Variants in MED12L observed in about 807,000 individuals in gnomAD.
MED12L encodes mediator complex subunit 12L, also known as mediator of RNA polymerase II transcription subunit 12-like protein.
A neutral mutation model predicts 281.3 loss-of-function variants in MED12L; 60 were observed. The observed-to-expected ratio is 0.21, with a 90% CI of 0.17 to 0.26. The LOEUF is 0.26. Ranked by LOEUF, MED12L falls within the 10% of genes least tolerant of loss-of-function variation. MED12L has a pLI of 1.00. For missense variants in MED12L, 2,146 were observed against 2,680.9 expected (o/e 0.80, Z 4.41); for synonymous variants, 974 against 987.2 (o/e 0.99, Z 0.25).
intron 9 of MED12L, 141 bp from the exon 10 acceptor site, chr3:151,165,279 G>T: frequency 2.3e-6 from 1 of 426,666 alleles, no homozygotes; most frequent in Non-Finnish European, 4.2e-6. Flanking sequence ...CACTTATTGG[G>T]CCACAGGCTG....
chr3:151,356,061 T>A, intron 19 of MED12L, 22 bp downstream of exon 19: 1 of 1,596,160 alleles, frequency 6.3e-7, no homozygotes. Context: ...ACCATGTTTC[T>A]CTTACTTTTA....
At chr3:151,425,503 T>TG in intron 43 of MED12L, 1 of 391,096 alleles carries the variant, frequency 2.6e-6, no homozygotes, top group South Asian at 1.9e-5. Flanking sequence ...TAGGCTCAAG[T>TG]GATCTTTCCA....
At chr3:151,344,605 C>T (rs984739495) in intron 16 of MED12L, among the ~76,000 whole-genome samples, 2 of 151,940 alleles carry the variant, frequency 1.3e-5, no homozygotes, top group Admixed American at 6.6e-5. Flanking sequence ...AGTTTACTTC[C>T]GGATATATAC....
chr3:151,181,735 G>A (rs1318215276), intron 11 of MED12L, among the ~76,000 whole-genome samples: 2 of 151,814 alleles, frequency 1.3e-5, no homozygotes, highest in African/African-American at 2.4e-5. Context: ...ACAGGCATGC[G>A]CCACCATACC....
rs552768940 is a variant in MED12L, at chr3:151,170,611, C to T, written c.1494+4629C>T. Among the ~76,000 whole-genome samples, 5 of 152,234 alleles carry T rather than the reference C, an allele frequency of 3.3e-5. No homozygotes were observed. The South Asian group carries it at 1.0e-3, about 32-fold the overall frequency. ...ATTCTTTACTCTCCCTCCCTGTTGC[C>T]CTTTACCGCCCCATTTCCTTGGCCA... On this transcript the variant is annotated intron_variant, in intron 11 of 44. Coordinates refer to ENST00000687756, the MANE Select transcript of MED12L (RefSeq NM_001393769.1).
At chr3:151,177,169 A>G (rs982959415) in intron 11 of MED12L, among the ~76,000 whole-genome samples, 4 of 152,242 alleles carry the variant, frequency 2.6e-5, no homozygotes, top group African/African-American at 7.2e-5. Context: ...CTAGAGAGGC[A>G]GAAGTCAGGG....
chr3:151,368,692 TTCATTTCATTTCATTTCATTTC>T (rs1755736322), intron 25 of MED12L, among the ~76,000 whole-genome samples: 1 of 36,504 alleles, frequency 2.7e-5, no homozygotes, highest in Non-Finnish European at 5.1e-5. Flanking sequence ...TTCATTTTAT[TTCATTTCATTTCATTTCATTTC>T]ATTTCATTTC....
At chr3:151,247,712 GTAAC>G (rs1735923378) in intron 16 of MED12L, among the ~76,000 whole-genome samples, 1 of 147,384 alleles carries the variant, frequency 6.8e-6, no homozygotes, top group Admixed American at 6.9e-5. Context: ...GTATACATAT[GTAAC>G]TAACCTGCAC....
intron 16 of MED12L, among the ~76,000 whole-genome samples, chr3:151,248,658 T>C (rs928680698): frequency 2.0e-5 from 3 of 152,102 alleles, no homozygotes; most frequent in Non-Finnish European, 4.4e-5. Context: ...TCATGCCTTA[T>C]CAAATTAAAA....
intron 25 of MED12L, 123 bp downstream of exon 25, chr3:151,368,374 A>G: frequency 1.3e-6 from 1 of 747,634 alleles, no homozygotes; most frequent in Non-Finnish European, 2.3e-6. Context: ...CCTGGGGGTG[A>G]TGAAGGGTGA....
At chr3:151,116,690 T>A (rs1414546047) in intron 3 of MED12L, among the ~76,000 whole-genome samples, 1 of 152,190 alleles carries the variant, frequency 6.6e-6, no homozygotes, top group Non-Finnish European at 1.5e-5. Flanking sequence ...TGCCTTTTTT[T>A]AAAAAGGCTT....
chr3:151,339,450 C>T (rs1456619465), intron 16 of MED12L, among the ~76,000 whole-genome samples: 1 of 147,232 alleles, frequency 6.8e-6, no homozygotes, highest in African/African-American at 2.5e-5. Context: ...AAAAAGCTGA[C>T]CTTTTTTCTT....
chr3:151,407,989 G>T (rs1716523748), intron 39 of MED12L, among the ~76,000 whole-genome samples: 1 of 152,184 alleles, frequency 6.6e-6, no homozygotes, highest in Non-Finnish European at 1.5e-5. Context: ...ATTTTAAGAG[G>T]CTATATGTCC....
intron 16 of MED12L, among the ~76,000 whole-genome samples, chr3:151,210,392 G>A (rs541993255): frequency 2.6e-5 from 4 of 152,340 alleles, no homozygotes; most frequent in South Asian, 2.1e-4. Flanking sequence ...CAACGAATGA[G>A]CACTAGTGAT....
At chr3:151,214,984 G>A (rs1390898377) in intron 16 of MED12L, among the ~76,000 whole-genome samples, 5 of 151,904 alleles carry the variant, frequency 3.3e-5, no homozygotes, top group East Asian at 1.9e-4. Flanking sequence ...CTATTCAGAC[G>A]GACCTTACTT....
At chr3:151,423,744 T>G (rs1380387692) in intron 43 of MED12L, among the ~76,000 whole-genome samples, 1 of 152,270 alleles carries the variant, frequency 6.6e-6, no homozygotes, top group Non-Finnish European at 1.5e-5. Flanking sequence ...CATGATCTAT[T>G]CTTTAAAACT....
chr3:151,337,994 C>T (rs2149928893), intron 16 of MED12L: 7 of 1,614,130 alleles, frequency 4.3e-6, no homozygotes, highest in Non-Finnish European at 5.9e-6. Context: ...AAGTTAACCA[C>T]AGAGTGCTCT....
chr3:151,111,818 G>A (rs991666217), intron 2 of MED12L, among the ~76,000 whole-genome samples: 15 of 152,298 alleles, frequency 9.8e-5, no homozygotes, highest in Non-Finnish European at 1.3e-4. Flanking sequence ...CTCACTGGAA[G>A]TGCTGTGGAA....
chr3:151,198,090 G>A (rs1303803017), intron 16 of MED12L: 1 of 169,524 alleles, frequency 5.9e-6, no homozygotes, highest in Non-Finnish European at 1.3e-5. Flanking sequence ...CAAGAAGTCA[G>A]TTCCAGGCAT....
Sources: gnomAD v4.1 joint callset for allele counts (sites outside exome capture counted in the v4.1 genomes callset) on GRCh38, gnomAD v4.1.1 for gene constraint, MANE v1.5 for transcripts, NCBI Gene and HGNC (gene_info 2026-07-23, HGNC 2026-07-21) for gene names.